CD72: variants seen among roughly 807,000 people sequenced by gnomAD.
CD72 encodes CD72 molecule.
Under a neutral mutation model 50.7 loss-of-function variants are expected in CD72, and 28 were observed. The observed-to-expected ratio is 0.55, with a 90% CI of 0.41 to 0.76. The LOEUF (loss-of-function observed/expected upper bound fraction) is 0.76, where lower values mean the gene tolerates loss of function less well. Ranked by LOEUF, CD72 falls within the 30% of genes least tolerant of loss-of-function variation. The pLI is 0.00. For missense variants in CD72, 403 were observed against 420.6 expected (o/e 0.96, Z 0.37); for synonymous variants, 176 against 171.2 (o/e 1.03, Z -0.22).
rs1247592987 is a variant in CD72 at position 35,618,367 on chromosome 9, C to T, written c.-64G>A. 27 of 1,604,780 alleles carry T rather than the reference C, an allele frequency of 1.7e-5. No homozygotes were observed. Among genetic ancestry groups the T allele is most frequent in the South Asian group, 2.2e-5 (2 of 89,930 alleles). ...ATCCACTGTCCTCCCTTGCCCCTCTCGTCTCTGTCCGTTTACAACTAGGCT... is the reference window on the plus strand; with the variant it reads ...ATCCACTGTCCTCCCTTGCCCCTCTTGTCTCTGTCCGTTTACAACTAGGCT... On this transcript the variant is annotated 5_prime_UTR_variant, in exon 1 of 9. Transcript: ENST00000259633.
At chr9:35,610,342 C>G in intron 8 of CD72, 42 bp from the exon 9 acceptor site, 1 of 359,114 alleles carries the variant, frequency 2.8e-6, no homozygotes, top group Admixed American at 4.5e-5. Context: ...GTTGACTTAA[C>G]TGAACCCTCA....
chr9:35,634,127 T>C (rs1279811698), intron 1 of CD72, among the ~76,000 whole-genome samples: 1 of 152,188 alleles, frequency 6.6e-6, no homozygotes, highest in Non-Finnish European at 1.5e-5. Flanking sequence ...AGTTTTTTTA[T>C]ATTGTTGTTA....
upstream of CD72, among the ~76,000 whole-genome samples, chr9:35,623,924 G>A (rs1052313271): frequency 2.1e-5 from 3 of 145,682 alleles, no homozygotes; most frequent in African/African-American, 7.6e-5. Context: ...AGAAAAAAAT[G>A]GGTTAAAAAG....
chr9:35,618,522 G>A (rs1277842565), upstream of CD72: 9 of 1,168,756 alleles, frequency 7.7e-6, no homozygotes, highest in Non-Finnish European at 1.1e-5. Context: ...GCCAGGGCCA[G>A]AGGGGCCACG....
At chr9:35,630,856 G>A (rs1259597241) in intron 1 of CD72, among the ~76,000 whole-genome samples, 2 of 152,116 alleles carry the variant, frequency 1.3e-5, no homozygotes, top group Non-Finnish European at 2.9e-5. Flanking sequence ...TTAAGCCCAG[G>A]AGTTCGAGAT....
intron 1 of CD72, among the ~76,000 whole-genome samples, chr9:35,638,453 G>A (rs9775240): frequency 0.7 from 105,700 of 151,276 alleles, 37,510 homozygotes; most frequent in East Asian, 0.93. Flanking sequence ...TTTGTTCTGC[G>A]ACTAGCTCTC....
chr9:35,646,595 CAGG>C (rs1416353139), exon 1 of CD72: 1 of 152,256 alleles, frequency 6.6e-6, no homozygotes, highest in Admixed American at 6.5e-5. Flanking sequence ...AACGGCTGTA[CAGG>C]AGAAGACAGA....
upstream of CD72, among the ~76,000 whole-genome samples, chr9:35,622,373 G>A (rs984642542): frequency 6.6e-5 from 10 of 152,188 alleles, no homozygotes; most frequent in Non-Finnish European, 1.3e-4. Flanking sequence ...TGGTGACACA[G>A]AAAGCACGTT....
rs576610465 is a variant in CD72 at position 35,644,347 on chromosome 9, T to A, written n.408+2056A>T. 8.3e-3 allele frequency among the ~76,000 whole-genome samples: 547 copies of A among 65,926 alleles called. 4 individuals carry two copies. The highest frequency in any genetic ancestry group is 0.03 in the African/African-American group (511 of 17,064). 43.3% of individuals were successfully genotyped at this position (65,926 alleles called of 152,430 possible). On this transcript the variant is annotated intron_variant and non_coding_transcript_variant, in intron 1 of 3. Transcript: ENST00000465754. The stretch of plus-strand genomic sequence containing the variant: ...CCTGGGCAACAAGAGTGAAACTCTG[T>A]CTCAAAAAAAAAAAAAAAAAAAAAA...
chr9:35,641,923 T>C (rs1298406974), intron 1 of CD72, among the ~76,000 whole-genome samples: 1 of 152,216 alleles, frequency 6.6e-6, no homozygotes, highest in Non-Finnish European at 1.5e-5. Flanking sequence ...TACTGCTGCA[T>C]GGGCATGGAG....
At chr9:35,630,893 C>A (rs1179004994) in intron 1 of CD72, among the ~76,000 whole-genome samples, 2 of 152,100 alleles carry the variant, frequency 1.3e-5, no homozygotes, top group African/African-American at 2.4e-5. Context: ...GCAAAACGCC[C>A]GTCTCTACAA....
intron 5 of CD72, 72 bp from the exon 6 acceptor site, chr9:35,613,065 C>A: frequency 7.7e-7 from 1 of 1,296,700 alleles, no homozygotes; most frequent in African/African-American, 1.5e-5. Flanking sequence ...CTTTTGCTAA[C>A]AATATTCCCC....
At chr9:35,632,372 G>A (rs370992427) in intron 1 of CD72, among the ~76,000 whole-genome samples, 4 of 151,748 alleles carry the variant, frequency 2.6e-5, no homozygotes, top group African/African-American at 7.3e-5. Context: ...GGGTTTCACC[G>A]TGTTAGCCAG....
At chr9:35,643,165 C>T (rs1823354743) in intron 1 of CD72, 1 of 152,252 alleles carries the variant, frequency 6.6e-6, no homozygotes, top group Admixed American at 6.5e-5. Context: ...GCCCACAGCT[C>T]GGGATTCCTC....
chr9:35,633,529 T>C (rs1280173140), intron 1 of CD72, among the ~76,000 whole-genome samples: 1 of 152,190 alleles, frequency 6.6e-6, no homozygotes, highest in African/African-American at 2.4e-5. Flanking sequence ...ACCAGTTTTA[T>C]TGCATTGTAA....
intron 1 of CD72, among the ~76,000 whole-genome samples, chr9:35,640,948 C>T (rs10814264): frequency 0.081 from 12,349 of 152,180 alleles, 588 homozygotes; most frequent in Middle Eastern, 0.11. Context: ...TTAGTGAGCT[C>T]TCTGATTGGT....
chr9:35,645,597 A>AG (rs1183195136), intron 1 of CD72, among the ~76,000 whole-genome samples: 2 of 137,220 alleles, frequency 1.5e-5, no homozygotes, highest in Admixed American at 7.6e-5. Flanking sequence ...ACAAAAACAA[A>AG]CAAAAAAAAA....
At chr9:35,644,054 AAAG>A (rs1306563691) in intron 1 of CD72, among the ~76,000 whole-genome samples, 1 of 151,718 alleles carries the variant, frequency 6.6e-6, no homozygotes, top group Non-Finnish European at 1.5e-5. Context: ...AAAAAAAAAA[AAAG>A]AAAGAAAGGC....
intron 1 of CD72, among the ~76,000 whole-genome samples, chr9:35,626,456 G>T (rs1823197866): frequency 2.0e-5 from 3 of 152,182 alleles, no homozygotes; most frequent in Admixed American, 1.3e-4. Flanking sequence ...TGACAACAAA[G>T]GATTTAGAAT....
Sources: gnomAD v4.1 joint callset for allele counts (sites outside exome capture counted in the v4.1 genomes callset) on GRCh38, gnomAD v4.1.1 for gene constraint, MANE v1.5 for transcripts, NCBI Gene and HGNC (gene_info 2026-07-23, HGNC 2026-07-21) for gene names.